Variants in USP7 observed in about 807,000 individuals in gnomAD.
The protein encoded by USP7 is ubiquitin C-terminal hydrolase 7.
Under a neutral mutation model 162.9 loss-of-function variants are expected in USP7, and 9 were observed. The ratio of observed to expected loss-of-function variants is 0.06; its 90% CI spans 0.03 to 0.10. USP7 has a LOEUF of 0.10. Among genes scored for constraint, USP7 ranks in the 10% least tolerant of loss-of-function variants. USP7 has a pLI of 1.00. For synonymous variants in USP7, 562 were observed against 475.9 expected (o/e 1.18, Z -2.35); for missense variants, 715 against 1,373.7 (o/e 0.52, Z 7.58).
chr16:8,928,303 A>C (rs1898125988), intron 2 of USP7, among the ~76,000 whole-genome samples: 2 of 152,218 alleles, frequency 1.3e-5, no homozygotes, highest in African/African-American at 2.4e-5. Context: ...CCCTAGTCTG[A>C]AATGGACACT....
chr16:8,908,248 A>T, intron 12 of USP7, 93 bp downstream of exon 12: 1 of 997,018 alleles, frequency 1.0e-6, no homozygotes, highest in East Asian at 2.4e-5. Flanking sequence ...CAGATGTGGG[A>T]CTGAAAATAT....
chr16:8,903,260 G>T lies in USP7; in HGVS notation c.1839+8C>A. ...ACGGTGGGGTATATCCACGGGACCG[G>T]TACGCACCATGGTCTGAGAGAGGCT... On this transcript the variant is annotated splice_region_variant and intron_variant, in intron 16 of 30. Transcript: ENST00000344836. 1.2e-6 allele frequency: 2 copies of T among 1,612,340 alleles called. No individual in the cohort carries two copies. Among genetic ancestry groups the T allele is most frequent in the Non-Finnish European group, 1.7e-6 (2 of 1,179,238 alleles).
chr16:8,957,311 A>C (rs1359882836), intron 1 of USP7, among the ~76,000 whole-genome samples: 1 of 152,232 alleles, frequency 6.6e-6, no homozygotes, highest in Non-Finnish European at 1.5e-5. Flanking sequence ...AGTAATTTCT[A>C]AAGTAGGTGA....
At chr16:8,944,794 G>A (rs1051575704) in intron 1 of USP7, among the ~76,000 whole-genome samples, 7 of 152,272 alleles carry the variant, frequency 4.6e-5, no homozygotes, top group African/African-American at 1.7e-4. Flanking sequence ...TGAAAAACTA[G>A]CGTCAAAGGT....
At chr16:8,902,999 TA>T (rs1217129017) in intron 16 of USP7, among the ~76,000 whole-genome samples, 5 of 152,018 alleles carry the variant, frequency 3.3e-5, no homozygotes, top group Non-Finnish European at 7.4e-5. Context: ...AAAGAGGGGG[TA>T]GGGGTGCAGG....
chr16:8,959,179 AG>A (rs1899913357), intron 1 of USP7, among the ~76,000 whole-genome samples: 1 of 152,286 alleles, frequency 6.6e-6, no homozygotes, highest in East Asian at 1.9e-4. Flanking sequence ...TAAGGGATGG[AG>A]AAACTGAGGA....
chr16:8,944,280 C>A (rs957443858), intron 1 of USP7, among the ~76,000 whole-genome samples: 1 of 152,036 alleles, frequency 6.6e-6, no homozygotes, highest in Admixed American at 6.5e-5. Context: ...TTGACACCCC[C>A]TTGGCAGCTG....
chr16:8,952,449 T>C (rs750184960), intron 1 of USP7, among the ~76,000 whole-genome samples: 11 of 152,078 alleles, frequency 7.2e-5, no homozygotes, highest in Non-Finnish European at 1.6e-4. Context: ...AAAACCAAGG[T>C]GCCAGCAGGG....
At chr16:8,923,898 C>T (rs535021358) in intron 2 of USP7, among the ~76,000 whole-genome samples, 1 of 152,306 alleles carries the variant, frequency 6.6e-6, no homozygotes, top group African/African-American at 2.4e-5. Context: ...AAGCTCAGCA[C>T]TGCTCAGAGG....
At chr16:8,901,968 G>C (rs770001568) in intron 18 of USP7, 114 bp downstream of exon 18, 1 of 875,812 alleles carries the variant, frequency 1.1e-6, no homozygotes, top group Non-Finnish European at 1.8e-6. Flanking sequence ...TTGTGGAATT[G>C]ATCAACACAT....
intron 15 of USP7, among the ~76,000 whole-genome samples, chr16:8,903,942 T>C (rs1277313507): frequency 2.0e-5 from 3 of 151,734 alleles, no homozygotes; most frequent in South Asian, 2.1e-4. Context: ...CACCTATAAA[T>C]TGGACCTAGC....
In USP7 at chr16:8,951,142, G is replaced by C. The variant is rs57461843; in HGVS notation, c.79+12065C>G. Among the ~76,000 whole-genome samples, 40 of 152,192 alleles carry C rather than the reference G, an allele frequency of 2.6e-4. 1 individual carries two copies. In the East Asian group the frequency reaches 7.5e-3, roughly 29 times the overall value. On this transcript the variant is annotated intron_variant, in intron 1 of 30. Transcript: ENST00000344836. ...CAAGGCTTAAAGTCAAACCAAGTAAGGATTTCTGTATTTAAAACTGTAGGC... is the reference window on the plus strand; with the variant it reads ...CAAGGCTTAAAGTCAAACCAAGTAACGATTTCTGTATTTAAAACTGTAGGC...
chr16:8,900,660 T>A, intron 20 of USP7, 30 bp from the exon 21 acceptor site: 2 of 1,535,146 alleles, frequency 1.3e-6, no homozygotes, highest in Non-Finnish European at 9.0e-7. Flanking sequence ...ATTGTTACAC[T>A]GCAAGTTTGT....
chr16:8,919,958 G>A (rs758496087), intron 5 of USP7, among the ~76,000 whole-genome samples: 13 of 152,044 alleles, frequency 8.6e-5, no homozygotes, highest in Non-Finnish European at 1.2e-4. Context: ...GTTAGTTGTC[G>A]GTGATGCTCA....
At chr16:8,957,560 G>A (rs891267022) in intron 1 of USP7, among the ~76,000 whole-genome samples, 1 of 150,008 alleles carries the variant, frequency 6.7e-6, no homozygotes, top group Admixed American at 6.7e-5. Flanking sequence ...CCTGAACATA[G>A]CAAGACCCCA....
At chr16:8,914,757 CA>C (rs113813738) in intron 10 of USP7, among the ~76,000 whole-genome samples, 99 of 144,652 alleles carry the variant, frequency 6.8e-4, no homozygotes, top group Middle Eastern at 3.5e-3. Flanking sequence ...ATCTCTTAAC[CA>C]AAAAAAAAAA....
chr16:8,928,129 C>G (rs1177734219), intron 2 of USP7, among the ~76,000 whole-genome samples: 1 of 152,178 alleles, frequency 6.6e-6, no homozygotes, highest in Non-Finnish European at 1.5e-5. Context: ...TAAATAAGTT[C>G]TCTCCCTCAA....
chr16:8,926,451 C>A (rs1461046955), intron 2 of USP7, among the ~76,000 whole-genome samples: 2 of 152,110 alleles, frequency 1.3e-5, no homozygotes, highest in African/African-American at 4.8e-5. Flanking sequence ...TGCACTCCAG[C>A]CTGGGCAACA....
intron 1 of USP7, among the ~76,000 whole-genome samples, chr16:8,937,383 A>C (rs1898805213): frequency 6.6e-6 from 1 of 152,100 alleles, no homozygotes; most frequent in Admixed American, 6.5e-5. Context: ...CTCTACTAAA[A>C]ATACAAAAAT....
Sources: gnomAD v4.1 joint callset for allele counts (sites outside exome capture counted in the v4.1 genomes callset) on GRCh38, gnomAD v4.1.1 for gene constraint, MANE v1.5 for transcripts, NCBI Gene and HGNC (gene_info 2026-07-23, HGNC 2026-07-21) for gene names.